Variants in NMT2 observed in about 807,000 individuals in gnomAD.
NMT2 encodes the protein N-myristoyltransferase 2.
A neutral mutation model predicts 65.4 loss-of-function variants in NMT2; 35 were observed. The observed-to-expected ratio is 0.54, with a 90% CI of 0.41 to 0.71. The LOEUF (loss-of-function observed/expected upper bound fraction) is 0.71, where lower values mean the gene tolerates loss of function less well. Among genes scored for constraint, NMT2 ranks in the 30% least tolerant of loss-of-function variants. The pLI is 0.00. For missense variants in NMT2, 489 were observed against 611.3 expected (o/e 0.80, Z 2.11); for synonymous variants, 226 against 231.8 (o/e 0.98, Z 0.23).
chr10:15,108,183 T>G lies in NMT2; in HGVS notation c.*1012A>C. On this transcript the variant is annotated 3_prime_UTR_variant, in exon 12 of 12. Transcript: ENST00000378165. ...AGTCTAGTTAGTCGCGGGTACAGGC[T>G]CTTTCTTTTTTTTTTTTTTTGAGAC... 1.0e-6 allele frequency: 1 copy of G among 975,792 alleles called. No homozygotes were observed. The highest frequency in any genetic ancestry group is 1.2e-6 in the Non-Finnish European group (1 of 827,642). The allele number at this position is 975,792 out of a possible 1,614,324, so 60.4% of individuals were successfully genotyped here.
chr10:15,151,088 C>T (rs1292498715), intron 1 of NMT2, among the ~76,000 whole-genome samples: 1 of 141,038 alleles, frequency 7.1e-6, no homozygotes, highest in Non-Finnish European at 1.5e-5. Context: ...GACGGAGTTT[C>T]ACTCTTGCTG....
chr10:15,145,461 C>T (rs747838856), intron 1 of NMT2, among the ~76,000 whole-genome samples: 12 of 152,170 alleles, frequency 7.9e-5, no homozygotes, highest in Admixed American at 1.3e-4. Context: ...CTCACTGCAA[C>T]CTCTGCCTCC....
intron 1 of NMT2, among the ~76,000 whole-genome samples, chr10:15,165,898 T>C (rs1009793176): frequency 1.3e-5 from 2 of 149,784 alleles, no homozygotes; most frequent in African/African-American, 5.0e-5. Flanking sequence ...AAAAGGTACA[T>C]TTTCCATGAA....
intron 8 of NMT2, 40 bp from the exon 9 acceptor site, chr10:15,119,553 TAGA>T: frequency 6.3e-7 from 1 of 1,591,330 alleles, no homozygotes; most frequent in Non-Finnish European, 8.6e-7. Context: ...GAAGTTCAGG[TAGA>T]AGAGGAGTGA....
Position 15,107,980 on chromosome 10 carries a change from G to T in NMT2, c.*1215C>A, listed in dbSNP as rs934156438. ...CATGACAGTTTTCATGATAAAATCA[G>T]CATAGAGGAGTATGTGCAATTTTGC... On this transcript the variant is annotated 3_prime_UTR_variant, in exon 12 of 12. Coordinates refer to ENST00000378165, the MANE Select transcript of NMT2 (RefSeq NM_004808.3). The T allele has an allele frequency of 5.5e-5, 54 of 985,522 alleles. No homozygotes were observed. The highest frequency in any genetic ancestry group is 1.9e-4 in the South Asian group (4 of 21,280). The allele number at this position is 985,522 out of a possible 1,614,324, so 61.0% of individuals were successfully genotyped here.
At chr10:15,143,595 G>A (rs374374699) in intron 1 of NMT2, among the ~76,000 whole-genome samples, 2 of 152,188 alleles carry the variant, frequency 1.3e-5, no homozygotes, top group Admixed American at 6.5e-5. Context: ...GGTGGCTCAC[G>A]CCTATAATCC....
chr10:15,110,922 C>G (rs1845491275), intron 10 of NMT2, among the ~76,000 whole-genome samples: 2 of 152,066 alleles, frequency 1.3e-5, no homozygotes, highest in East Asian at 1.9e-4. Flanking sequence ...TTCCTAGTAG[C>G]TGGCATTACA....
Position 15,149,187 on chromosome 10 carries a change from T to C in NMT2, c.111-7630A>G, listed in dbSNP as rs546811835. Among the ~76,000 whole-genome samples, 5 of 141,340 alleles carry C rather than the reference T, an allele frequency of 3.5e-5. No individual in the cohort carries two copies. In the East Asian group the frequency reaches 1.1e-3, roughly 32 times the overall value. The allele number at this position is 141,340 out of a possible 152,430, so 92.7% of individuals were successfully genotyped here. A position where few individuals can be genotyped will look rare whatever the true frequency, so the allele number is the denominator to read the frequency against. ...TCACTGCCGCCATCACCACCACCACTGCCACCATCATCACCACCATCATCA... is the reference window on the plus strand; with the variant it reads ...TCACTGCCGCCATCACCACCACCACCGCCACCATCATCACCACCATCATCA... On this transcript the variant is annotated intron_variant, in intron 1 of 11. Transcript: ENST00000378165.
Position 15,105,991 on chromosome 10 carries a change from T to C in NMT2, c.*3204A>G. On this transcript the variant is annotated 3_prime_UTR_variant, in exon 12 of 12. Coordinates refer to ENST00000378165, the MANE Select transcript of NMT2 (RefSeq NM_004808.3). ...TGACAAAGTTTCCAACTGGCAATGC[T>C]GCAGTTATTTATTTTACTTTCGAGA... is the stretch of plus-strand genomic sequence containing the variant. 2.4e-6 allele frequency: 1 copy of C among 417,252 alleles called. No individual in the cohort carries two copies. The highest frequency in any genetic ancestry group is 2.1e-5 in the African/African-American group (1 of 47,210). 25.8% of individuals were successfully genotyped at this position (417,252 alleles called of 1,614,324 possible).
intron 1 of NMT2, among the ~76,000 whole-genome samples, chr10:15,154,416 A>C (rs1291093185): frequency 6.6e-6 from 1 of 152,248 alleles, no homozygotes; most frequent in African/African-American, 2.4e-5. Flanking sequence ...AGTTCCTTTC[A>C]AATGACAACA....
Position 15,115,458 on chromosome 10 carries a change from CA to C in NMT2, c.1171-2496del, listed in dbSNP as rs1479810521. Among the ~76,000 whole-genome samples the C allele has an allele frequency of 3.9e-5, 6 of 152,150 alleles. No individual in the cohort carries two copies. In the East Asian group the frequency reaches 1.2e-3, roughly 29 times the overall value. ...ATCATAAAAACTATACAAATACACC[CA>C]AAGGTACTATAAATAAAACAGTATC... On this transcript the variant is annotated intron_variant, in intron 9 of 11. Transcript: ENST00000378165.
At position 15,130,252 on chromosome 10, in the gene NMT2, C is replaced by T; in HGVS notation, c.780G>A (p.Arg260=). 6.2e-7 allele frequency: 1 copy of T among 1,607,116 alleles called. No individual in the cohort carries two copies. The highest frequency in any genetic ancestry group is 8.5e-7 in the Non-Finnish European group (1 of 1,176,276). The stretch of plus-strand genomic sequence containing the variant: ...TCTCTCGGATTAGCACTGGGGCTAC[C>T]CGTTTCGATCTCAACTTCTTATGAA... The part of the protein sequence containing the change: ...LCVHKKLRSK[R]VAPVLIREIT... The change falls in exon 7 of 12, where the codon CGG becomes CGA. Residue 260 remains arginine (R), a synonymous_variant. Coordinates refer to ENST00000378165, the MANE Select transcript of NMT2 (RefSeq NM_004808.3).
intron 9 of NMT2, among the ~76,000 whole-genome samples, chr10:15,114,227 G>A (rs1243975058): frequency 6.6e-6 from 1 of 152,138 alleles, no homozygotes; most frequent in Admixed American, 6.5e-5. Context: ...CATCTCATAC[G>A]CTGAATTACT....
At chr10:15,149,739 C>G (rs1008186905) in intron 1 of NMT2, among the ~76,000 whole-genome samples, 1 of 151,990 alleles carries the variant, frequency 6.6e-6, no homozygotes, top group African/African-American at 2.4e-5. Context: ...TTATTATTCC[C>G]GTTTTATAGA....
chr10:15,131,810 C>T (rs1373956682), intron 6 of NMT2, among the ~76,000 whole-genome samples: 1 of 152,094 alleles, frequency 6.6e-6, no homozygotes, highest in Non-Finnish European at 1.5e-5. Flanking sequence ...GAGATCCAAA[C>T]TAAAAGTGCA....
At chr10:15,142,741 G>T (rs1564580168) in intron 1 of NMT2, among the ~76,000 whole-genome samples, 1 of 152,178 alleles carries the variant, frequency 6.6e-6, no homozygotes, top group Non-Finnish European at 1.5e-5. Flanking sequence ...AATCAAATTT[G>T]TGCTATCATG....
intron 1 of NMT2, among the ~76,000 whole-genome samples, chr10:15,165,036 G>A (rs899770571): frequency 6.6e-6 from 1 of 152,162 alleles, no homozygotes; most frequent in Non-Finnish European, 1.5e-5. Context: ...GGTGATGCAC[G>A]CCTGTAATCC....
chr10:15,119,402 C>T lies in NMT2; in HGVS notation c.1111G>A (p.Glu371Lys), dbSNP rs1194646453. ...QFHLAPVMDE[E>K]EVAHWFLPRE... ...GGGAGGAACCAGTGGGCTACTTCCT[C>T]TTCATCCATCACTGGAGCCAGATGA... Residue 371 changes from glutamate to lysine, a missense_variant, in exon 9 of 12, where the codon GAG (glutamate) becomes AAG (lysine). Transcript: ENST00000378165. 1 of 1,614,184 alleles carries T rather than the reference C, an allele frequency of 6.2e-7. No homozygotes were observed. The highest frequency in any genetic ancestry group is 1.7e-5 in the Admixed American group (1 of 60,022).
In NMT2 at chr10:15,154,748, A is replaced by T. The variant is rs185440815; in HGVS notation, c.111-13191T>A. 4.9e-6 allele frequency: 3 copies of T among 612,998 alleles called. No homozygotes were observed. The East Asian group carries it at 1.1e-4, about 22-fold the overall frequency. The allele number at this position is 612,998 out of a possible 1,614,324, so 38.0% of individuals were successfully genotyped here. On this transcript the variant is annotated intron_variant, in intron 1 of 11. Coordinates refer to ENST00000378165, the MANE Select transcript of NMT2 (RefSeq NM_004808.3). ...AAATGGGGTGGAGGGTGTTCTTCTG[A>T]GCTACAAAAGGAATGGTCTGGTGGT...
Sources: gnomAD v4.1 joint callset for allele counts (sites outside exome capture counted in the v4.1 genomes callset) on GRCh38, gnomAD v4.1.1 for gene constraint, MANE v1.5 for transcripts, NCBI Gene and HGNC (gene_info 2026-07-23, HGNC 2026-07-21) for gene names.